The following ASB2 variants were observed in gnomAD, a reference collection of about 807,000 sequenced individuals.
ASB2 encodes the protein ankyrin repeat and SOCS box containing 2.
ASB2 carries 58 observed loss-of-function variants against 62.4 expected under a neutral mutation model. The ratio of observed to expected loss-of-function variants is 0.93; its 90% CI spans 0.75 to 1.16. The LOEUF (loss-of-function observed/expected upper bound fraction) is 1.16, where lower values mean the gene tolerates loss of function less well. ASB2 is among the 50% of genes most tolerant of loss of function. ASB2 has a pLI of 0.00. For synonymous variants in ASB2, 386 were observed against 385.3 expected (o/e 1.00, Z -0.02); for missense variants, 928 against 887.9 (o/e 1.05, Z -0.57).
chr14:93,962,702 C>T (rs1246283656), intron 2 of ASB2, among the ~76,000 whole-genome samples: 1 of 152,158 alleles, frequency 6.6e-6, no homozygotes, highest in African/African-American at 2.4e-5. Flanking sequence ...TCCAAGCATC[C>T]CTGGGACTCC....
chr14:93,946,992 A>G (rs1888750987), intron 7 of ASB2, among the ~76,000 whole-genome samples: 1 of 152,222 alleles, frequency 6.6e-6, no homozygotes, highest in Non-Finnish European at 1.5e-5. Flanking sequence ...GACCTTGGGC[A>G]AGTCACTCAA....
At position 93,934,803 on chromosome 14, in the gene ASB2, G is replaced by A. The variant is rs751205257; in HGVS notation, c.1772-11C>T. 1.2e-6 allele frequency: 2 copies of A among 1,611,158 alleles called. No individual in the cohort carries two copies. The highest frequency in any genetic ancestry group is 2.7e-5 in the African/African-American group (2 of 74,850). ...GAGGTCTTGGAGGTTCTGAAAAAAGGAGGGAAAGACAGAGGCTGATTTGTC... is the reference window on the plus strand; with the variant it reads ...GAGGTCTTGGAGGTTCTGAAAAAAGAAGGGAAAGACAGAGGCTGATTTGTC... On this transcript the variant is annotated splice_polypyrimidine_tract_variant and intron_variant, in intron 9 of 9. Transcript: ENST00000555019.
intron 1 of ASB2, chr14:93,968,301 G>A (rs1170262109): frequency 2.0e-5 from 3 of 152,220 alleles, no homozygotes; most frequent in African/African-American, 7.2e-5. Flanking sequence ...GCCCTGGAAG[G>A]TAGGAAGATT....
intron 2 of ASB2, chr14:93,957,128 A>ACCCCCCCCCCCCGGCCCCCCCCCCC: frequency 3.7e-6 from 5 of 1,340,178 alleles, no homozygotes; most frequent in Non-Finnish European, 4.8e-6. Flanking sequence ...GGTTAACCTC[A>ACCCCCCCCCCCCGGCCCCCCCCCCC]CCCCACCCCC....
At chr14:93,969,563 C>T (rs920151289) in intron 1 of ASB2, among the ~76,000 whole-genome samples, 8 of 152,154 alleles carry the variant, frequency 5.3e-5, no homozygotes, top group East Asian at 1.9e-4. Flanking sequence ...GGGGGTTGGG[C>T]GGCCTTCTGG....
chr14:93,945,233 C>T (rs1247873038), intron 7 of ASB2, among the ~76,000 whole-genome samples: 7 of 152,292 alleles, frequency 4.6e-5, no homozygotes, highest in South Asian at 2.1e-4. Context: ...ACCCACTTCC[C>T]GTGTGTTCAC....
intron 2 of ASB2, among the ~76,000 whole-genome samples, chr14:93,964,060 G>A (rs1418722794): frequency 1.3e-5 from 2 of 152,176 alleles, no homozygotes; most frequent in Non-Finnish European, 2.9e-5. Flanking sequence ...TTTCAGCCCT[G>A]AGCTTCAGTC....
chr14:93,964,627 A>T lies in ASB2; in HGVS notation c.-73-15T>A. 8.0e-7 allele frequency: 1 copy of T among 1,244,730 alleles called. No homozygotes were observed. Among genetic ancestry groups the T allele is most frequent in the South Asian group, 1.3e-5 (1 of 78,166 alleles). The allele number at this position is 1,244,730 out of a possible 1,614,324, so 77.1% of individuals were successfully genotyped here. A position where few individuals can be genotyped will look rare whatever the true frequency, so the allele number is the denominator to read the frequency against. On this transcript the variant is annotated splice_polypyrimidine_tract_variant and intron_variant, in intron 1 of 9. Coordinates refer to ENST00000555019, the MANE Select transcript of ASB2 (RefSeq NM_001202429.2). Reference sequence around the variant, plus strand: ...ATCAGAAAACCCTGTGAGGAAACCAAAACCATCCTGGTCACGAACAGTTTT... The same window carrying T: ...ATCAGAAAACCCTGTGAGGAAACCATAACCATCCTGGTCACGAACAGTTTT...
At chr14:93,943,600 T>C (rs1231955425) in intron 7 of ASB2, among the ~76,000 whole-genome samples, 1 of 152,220 alleles carries the variant, frequency 6.6e-6, no homozygotes, top group Non-Finnish European at 1.5e-5. Context: ...GCCAAGATTG[T>C]GCCACTGCAC....
rs1442616992 is a variant in ASB2, at chr14:93,956,749, A to G, written c.311+17T>C. 6.2e-7 allele frequency: 1 copy of G among 1,613,962 alleles called. No homozygotes were observed. The highest frequency in any genetic ancestry group is 1.7e-5 in the Admixed American group (1 of 60,028). On this transcript the variant is annotated intron_variant, in intron 3 of 9. Coordinates refer to ENST00000555019, the MANE Select transcript of ASB2 (RefSeq NM_001202429.2). ...AGTGAACTTGGATGGTCCTGGGGCCAGACAGGAGTCACTTACGCCAGCTGG... is the reference window on the plus strand; with the variant it reads ...AGTGAACTTGGATGGTCCTGGGGCCGGACAGGAGTCACTTACGCCAGCTGG...
intron 2 of ASB2, among the ~76,000 whole-genome samples, chr14:93,958,592 C>G (rs115677240): frequency 2.7e-3 from 407 of 152,338 alleles, no homozygotes; most frequent in African/African-American, 9.3e-3. Flanking sequence ...CACACTGTTT[C>G]TGTAGCTGTG....
intron 7 of ASB2, among the ~76,000 whole-genome samples, chr14:93,940,834 A>G (rs1283117593): frequency 6.6e-6 from 1 of 152,172 alleles, no homozygotes; most frequent in African/African-American, 2.4e-5. Context: ...AGAGATGAGG[A>G]GACATAAGCC....
chr14:93,973,707 C>T (rs973664820), intron 1 of ASB2, among the ~76,000 whole-genome samples: 3 of 152,230 alleles, frequency 2.0e-5, no homozygotes, highest in Admixed American at 6.5e-5. Context: ...GGCCCCTCCC[C>T]GCATCTGTGT....
chr14:93,959,940 A>G lies in ASB2; in HGVS notation c.207-3070T>C, dbSNP rs372297067. On this transcript the variant is annotated intron_variant, in intron 2 of 9. Coordinates refer to ENST00000555019, the MANE Select transcript of ASB2 (RefSeq NM_001202429.2). ...TCGATTCCGCCCCACGCCCGCCAAC[A>G]TGTCACCAGTCCACCCCACACCCGC... Among the ~76,000 whole-genome samples the G allele has an allele frequency of 3.3e-5, 5 of 150,882 alleles. No individual in the cohort carries two copies. The South Asian group carries it at 6.3e-4, about 19-fold the overall frequency.
chr14:93,955,275 C>A, intron 3 of ASB2: 2 of 409,936 alleles, frequency 4.9e-6, no homozygotes, highest in Non-Finnish European at 9.8e-6. Context: ...GGGCTCTGGG[C>A]GGTCTCTGCC....
intron 9 of ASB2, 22 bp downstream of exon 9, chr14:93,937,676 G>A (rs748303418): frequency 8.2e-6 from 13 of 1,592,572 alleles, no homozygotes; most frequent in Non-Finnish European, 1.1e-5. Context: ...TGCCAGCCTT[G>A]GCAGCAGCAG....
At chr14:93,944,725 C>T (rs1156632750) in intron 7 of ASB2, among the ~76,000 whole-genome samples, 1 of 152,174 alleles carries the variant, frequency 6.6e-6, no homozygotes, top group Non-Finnish European at 1.5e-5. Context: ...AAATGGGGCC[C>T]GGGGGTGGAG....
chr14:93,973,051 G>A (rs1567034558), intron 1 of ASB2, among the ~76,000 whole-genome samples: 1 of 152,220 alleles, frequency 6.6e-6, no homozygotes, highest in Non-Finnish European at 1.5e-5. Context: ...TGGGGCTGCT[G>A]GAGGTGACTC....
At position 93,951,183 on chromosome 14, in the gene ASB2, G is replaced by T. The variant is rs200751958; in HGVS notation, c.696C>A (p.Asn232Lys). Residue 232 changes from asparagine to lysine, a missense_variant, in exon 6 of 10, where the codon AAC (asparagine) becomes AAA (lysine). Physicochemically the swap from Asn to Lys is moderately conservative, Grantham distance 94 (BLOSUM62 0). Transcript: ENST00000555019. ...KILVQHNADTNHRCNRGWTAL... is the reference protein window; with the variant it reads ...KILVQHNADTKHRCNRGWTAL... ...CGGTCCAGCCGCGGTTGCAGCGGTG[G>T]TTGGTGTCTGCATTGTGCTGCACCA... 4 of 1,613,746 alleles carry T rather than the reference G, an allele frequency of 2.5e-6. No homozygotes were observed. Among genetic ancestry groups the T allele is most frequent in the East Asian group, 4.5e-5 (2 of 44,884 alleles).
Sources: allele counts gnomAD v4.1 joint callset (sites outside exome capture counted in the v4.1 genomes callset), GRCh38; gene constraint gnomAD v4.1.1; transcripts MANE v1.5; gene names NCBI Gene and HGNC (gene_info 2026-07-23, HGNC 2026-07-21).